Variants in STK32B observed in about 807,000 individuals in gnomAD.
STK32B encodes serine/threonine-protein kinase 32B.
A neutral mutation model predicts 52.6 loss-of-function variants in STK32B; 43 were observed. That is an observed-to-expected ratio of 0.82 (90% CI 0.64 to 1.05). The LOEUF (loss-of-function observed/expected upper bound fraction) is 1.05, where lower values mean the gene tolerates loss of function less well. Among genes scored for constraint, STK32B ranks in the 50% least tolerant of loss-of-function variants. The pLI is 0.00. For missense variants in STK32B, 621 were observed against 534.6 expected, an observed-to-expected ratio of 1.16 and a Z score of -1.59; for synonymous variants, 238 against 204.3, an observed-to-expected ratio of 1.17 and a Z score of -1.41.
intron 2 of STK32B, among the ~76,000 whole-genome samples, chr4:5,154,152 G>A (rs1228213075): frequency 6.6e-6 from 1 of 151,442 alleles, no homozygotes; most frequent in Non-Finnish European, 1.5e-5. Flanking sequence ...GAATAATAAT[G>A]GAATTTGAGA....
At chr4:5,353,704 A>G (rs886839786) in intron 4 of STK32B, among the ~76,000 whole-genome samples, 7 of 152,216 alleles carry the variant, frequency 4.6e-5, no homozygotes, top group African/African-American at 1.7e-4. Context: ...ATCTTACCCC[A>G]GTTAGAATGA....
chr4:5,319,050 C>T (rs953345354), intron 3 of STK32B, among the ~76,000 whole-genome samples: 4 of 152,064 alleles, frequency 2.6e-5, no homozygotes, highest in East Asian at 3.9e-4. Context: ...GTGATCCACC[C>T]GCCTTGGCCT....
At chr4:5,350,618 C>T (rs1176905143) in intron 4 of STK32B, among the ~76,000 whole-genome samples, 1 of 152,034 alleles carries the variant, frequency 6.6e-6, no homozygotes, top group Non-Finnish European at 1.5e-5. Context: ...AATTAAATGA[C>T]AGGAATATAC....
intron 3 of STK32B, among the ~76,000 whole-genome samples, chr4:5,286,794 C>CTTTTTTTTTTTTTTTTTTTTTTTTTTTT (rs60300816): frequency 8.8e-6 from 1 of 113,270 alleles, no homozygotes; most frequent in Non-Finnish European, 1.7e-5. Flanking sequence ...TACAGATGTA[C>CTTTTTTTTTTTTTTTTTTTTTTTTTTTT]TTTTTTTTTT....
chr4:5,434,654 T>C (rs1459611358), intron 6 of STK32B, among the ~76,000 whole-genome samples: 1 of 152,116 alleles, frequency 6.6e-6, no homozygotes, highest in Non-Finnish European at 1.5e-5. Flanking sequence ...AAGCCTTTGC[T>C]TCCCGAAATG....
intron 1 of STK32B, among the ~76,000 whole-genome samples, chr4:5,067,389 A>G (rs1742464560): frequency 1.3e-5 from 2 of 152,062 alleles, no homozygotes; most frequent in South Asian, 4.1e-4. Flanking sequence ...TAGACTCCAC[A>G]AGGATGGGGT....
chr4:5,258,522 G>T (rs1288439291), intron 3 of STK32B, among the ~76,000 whole-genome samples: 1 of 152,112 alleles, frequency 6.6e-6, no homozygotes, highest in East Asian at 1.9e-4. Flanking sequence ...TAAGCTCTTG[G>T]CTGCTCCCAG....
chr4:5,403,269 C>A (rs1448372938), intron 5 of STK32B, among the ~76,000 whole-genome samples: 1 of 152,172 alleles, frequency 6.6e-6, no homozygotes, highest in Non-Finnish European at 1.5e-5. Flanking sequence ...GGCCCCTCCT[C>A]ACTTCCTCTA....
chr4:5,019,850 G>A, the STK32B span, among the ~76,000 whole-genome samples: 1 of 152,248 alleles, frequency 6.6e-6, no homozygotes, highest in East Asian at 1.9e-4. Flanking sequence ...TGGATGGCAC[G>A]GTTTGTCAAA....
At chr4:5,262,287 A>C (rs56837281) in intron 3 of STK32B, among the ~76,000 whole-genome samples, 9,484 of 152,164 alleles carry the variant, frequency 0.062, 471 homozygotes, top group African/African-American at 0.14. Flanking sequence ...AAAATAACTA[A>C]GCTTATAAAA....
At chr4:5,389,325 C>T (rs923580558) in intron 4 of STK32B, among the ~76,000 whole-genome samples, 13 of 152,182 alleles carry the variant, frequency 8.5e-5, no homozygotes, top group Non-Finnish European at 1.8e-4. Flanking sequence ...CAAAATACCA[C>T]AGGCTGGGCA....
chr4:5,278,591 G>A (rs1727992837), intron 3 of STK32B, among the ~76,000 whole-genome samples: 2 of 152,304 alleles, frequency 1.3e-5, no homozygotes, highest in African/African-American at 2.4e-5. Context: ...ATTCACTTGC[G>A]AATTTGAAAA....
At chr4:5,488,765 T>A (rs1317484514) in intron 11 of STK32B, among the ~76,000 whole-genome samples, 1 of 152,192 alleles carries the variant, frequency 6.6e-6, no homozygotes. Flanking sequence ...TCTTCATATC[T>A]ATAACTTTCT....
chr4:5,331,992 A>T (rs935991770), intron 4 of STK32B, among the ~76,000 whole-genome samples: 3 of 152,180 alleles, frequency 2.0e-5, no homozygotes, highest in African/African-American at 7.2e-5. Flanking sequence ...TATCATTCAT[A>T]AATGTTCTCA....
chr4:5,354,475 AG>A (rs1216500912), intron 4 of STK32B, among the ~76,000 whole-genome samples: 2 of 152,200 alleles, frequency 1.3e-5, no homozygotes, highest in African/African-American at 4.8e-5. Context: ...CATGTTGGCC[AG>A]GCTGGTCTCA....
intron 3 of STK32B, among the ~76,000 whole-genome samples, chr4:5,275,374 GC>G (rs1727745461): frequency 1.3e-5 from 2 of 152,154 alleles, no homozygotes; most frequent in Non-Finnish European, 2.9e-5. Context: ...TTAAGAATCT[GC>G]TTTGTTCATT....
chr4:5,312,833 C>T (rs1054837799), intron 3 of STK32B, among the ~76,000 whole-genome samples: 1 of 151,982 alleles, frequency 6.6e-6, no homozygotes, highest in African/African-American at 2.4e-5. Context: ...AATGGTGTTT[C>T]TAGTTCTAGA....
intron 1 of STK32B, among the ~76,000 whole-genome samples, chr4:5,114,782 G>A (rs1381028166): frequency 6.6e-6 from 1 of 152,172 alleles, no homozygotes; most frequent in African/African-American, 2.4e-5. Flanking sequence ...GGGCCATGTA[G>A]CTATTCAGGA....
At chr4:5,319,429 T>A (rs1437942722) in intron 3 of STK32B, among the ~76,000 whole-genome samples, 1 of 152,208 alleles carries the variant, frequency 6.6e-6, no homozygotes, top group Non-Finnish European at 1.5e-5. Context: ...AAAACTCAAA[T>A]CTGACAAGGA....
Sources: gnomAD v4.1 joint callset for allele counts (sites outside exome capture counted in the v4.1 genomes callset) on GRCh38, gnomAD v4.1.1 for gene constraint, MANE v1.5 for transcripts, NCBI Gene and HGNC (gene_info 2026-07-23, HGNC 2026-07-21) for gene names.